Variants in CACNA1E observed in about 807,000 individuals in gnomAD.
The protein encoded by CACNA1E is voltage-dependent R-type calcium channel subunit alpha-1E.
In CACNA1E, 40 loss-of-function variants were observed where a neutral mutation model predicts 259.2. That is an observed-to-expected ratio of 0.15 (90% CI 0.12 to 0.20). The LOEUF is 0.20. Ranked by LOEUF, CACNA1E falls within the 10% of genes least tolerant of loss-of-function variation. The pLI, the probability that CACNA1E is intolerant of heterozygous loss-of-function variation, is 1.00. For synonymous variants in CACNA1E, 1,104 were observed against 1,138.5 expected (o/e 0.97, Z 0.61); for missense variants, 1,874 against 3,040.1 (o/e 0.62, Z 9.02).
In CACNA1E at chr1:181,804,559, G is replaced by C. The variant is rs1477343194; in HGVS notation, c.*5725G>C. On this transcript the variant is annotated 3_prime_UTR_variant, in exon 48 of 48. Transcript: ENST00000367573. ...ACAATAGTGTAGTAATCTGATAAAT[G>C]AAAACTATTGGAAGTCAATAGTTTT... 3.3e-5 allele frequency: 5 copies of C among 152,168 alleles called. No homozygotes were observed. The highest frequency in any genetic ancestry group is 1.2e-4 in the African/African-American group (5 of 41,448). 9.4% of individuals were successfully genotyped at this position (152,168 alleles called of 1,614,324 possible).
intron 2 of CACNA1E, among the ~76,000 whole-genome samples, chr1:181,466,736 C>T (rs1039369074): frequency 6.6e-6 from 1 of 152,120 alleles, no homozygotes; most frequent in Non-Finnish European, 1.5e-5. Context: ...CTTTCAAGTT[C>T]AGCAATATAT....
chr1:181,540,576 C>CT (rs777957246), intron 3 of CACNA1E, among the ~76,000 whole-genome samples: 8 of 152,150 alleles, frequency 5.3e-5, no homozygotes, highest in Non-Finnish European at 1.2e-4. Context: ...AGGAAAGACT[C>CT]TCTGGTCTTC....
rs1178193613 is a variant in CACNA1E at position 181,632,263 on chromosome 1, T to G, written c.952-19075T>G. On this transcript the variant is annotated intron_variant, in intron 6 of 47. Coordinates refer to ENST00000367573, the MANE Select transcript of CACNA1E (RefSeq NM_001205293.3). ...TGAGCAATGCTTGTGCCTTTCCTCT[T>G]TTCTTGTATCCGTACATTTCCAGAG... Among the ~76,000 whole-genome samples the G allele has an allele frequency of 5.9e-5, 9 of 152,130 alleles. 1 individual carries two copies. Among genetic ancestry groups the G allele is most frequent in the Non-Finnish European group, 1.3e-4 (9 of 68,026 alleles).
intron 1 of CACNA1E, among the ~76,000 whole-genome samples, chr1:181,406,604 G>T (rs983497520): frequency 6.6e-6 from 1 of 151,944 alleles, no homozygotes; most frequent in African/African-American, 2.4e-5. Context: ...CACCATCTTG[G>T]CCAGGCTGGT....
Position 181,405,682 on chromosome 1 carries a change from CACTT to C in CACNA1E, c.-14-7447_-14-7444del, listed in dbSNP as rs1657414782. Among the ~76,000 whole-genome samples, 3 of 152,318 alleles carry C rather than the reference CACTT, an allele frequency of 2.0e-5. No homozygotes were observed. The South Asian group carries it at 6.2e-4, about 32-fold the overall frequency. On this transcript the variant is annotated intron_variant, in intron 1 of 11. Transcript: ENST00000524607. ...TCCCCTCACTCCTTCCTTTTATAAG[CACTT>C]ACTGAATGCTTACAATTACTACATT...
intron 6 of CACNA1E, among the ~76,000 whole-genome samples, 156 bp downstream of exon 6, chr1:181,580,932 A>G (rs1262603249): frequency 6.6e-6 from 1 of 152,232 alleles, no homozygotes; most frequent in Non-Finnish European, 1.5e-5. Context: ...AAGCCTTAGC[A>G]GTTCATAACC....
intron 1 of CACNA1E, among the ~76,000 whole-genome samples, chr1:181,329,463 T>G (rs150191506): frequency 2.1e-4 from 32 of 152,272 alleles, no homozygotes; most frequent in Middle Eastern, 3.4e-3. Context: ...CACCACAGCT[T>G]CAATGCCTAC....
chr1:181,338,071 C>T (rs562501238), intron 1 of CACNA1E, among the ~76,000 whole-genome samples: 4 of 152,160 alleles, frequency 2.6e-5, no homozygotes, highest in South Asian at 4.2e-4. Context: ...TAAGGTTATA[C>T]CCCATTGTGG....
chr1:181,588,865 T>C (rs1211519206), intron 6 of CACNA1E, among the ~76,000 whole-genome samples: 2 of 152,228 alleles, frequency 1.3e-5, no homozygotes, highest in African/African-American at 4.8e-5. Context: ...GGTGCGTTGG[T>C]GACTCAATGG....
chr1:181,456,181 T>C (rs1661451845), intron 2 of CACNA1E, among the ~76,000 whole-genome samples: 1 of 152,032 alleles, frequency 6.6e-6, no homozygotes, highest in South Asian at 2.1e-4. Flanking sequence ...TTGCTGATGG[T>C]ACCAGTGAGT....
intron 2 of CACNA1E, among the ~76,000 whole-genome samples, chr1:181,421,088 G>C (rs1381320587): frequency 2.0e-5 from 3 of 152,314 alleles, no homozygotes; most frequent in African/African-American, 7.2e-5. Flanking sequence ...CAGTATCACA[G>C]AGCCAGTGAG....
intron 25 of CACNA1E, among the ~76,000 whole-genome samples, chr1:181,741,854 G>A (rs1289872387): frequency 1.3e-5 from 2 of 152,180 alleles, no homozygotes; most frequent in Non-Finnish European, 2.9e-5. Flanking sequence ...CAGTGCAGGG[G>A]CCCCCAGGAA....
intron 7 of CACNA1E, among the ~76,000 whole-genome samples, chr1:181,659,658 T>C (rs1647414526): frequency 6.6e-6 from 1 of 152,210 alleles, no homozygotes; most frequent in Admixed American, 6.5e-5. Flanking sequence ...TGCTTCCATA[T>C]ACGTGTGGGG....
chr1:181,630,384 G>GCCCC lies in CACNA1E; in HGVS notation c.952-20950_952-20947dup, dbSNP rs371364830. On this transcript the variant is annotated intron_variant, in intron 6 of 47. Coordinates refer to ENST00000367573, the MANE Select transcript of CACNA1E (RefSeq NM_001205293.3). ...TGGGACAAAGCAGTGTAATTAACATGCCCCCCCACCCCGCCTTAAAACCTA... is the reference window on the plus strand; with the variant it reads ...TGGGACAAAGCAGTGTAATTAACATGCCCCCCCCCCCACCCCGCCTTAAAACCTA... 3.0e-4 allele frequency among the ~76,000 whole-genome samples: 43 copies of GCCCC among 145,036 alleles called. 1 individual carries two copies. The highest frequency in any genetic ancestry group is 4.9e-4 in the Non-Finnish European group (32 of 65,578).
chr1:181,589,996 T>C (rs541192859), intron 6 of CACNA1E, among the ~76,000 whole-genome samples: 2 of 152,320 alleles, frequency 1.3e-5, no homozygotes, highest in East Asian at 3.9e-4. Flanking sequence ...GTACTAACTT[T>C]CCCTTAACCA....
chr1:181,344,297 G>A (rs1029821654), intron 1 of CACNA1E, among the ~76,000 whole-genome samples: 2 of 152,134 alleles, frequency 1.3e-5, no homozygotes, highest in South Asian at 2.1e-4. Flanking sequence ...TACATCAAAC[G>A]TACTTCCGTA....
Position 181,798,675 on chromosome 1 carries a change from C to T in CACNA1E, c.6783C>T (p.Gly2261=). ...TFEAAVATSL[G]RSNTIGSAPP... is the part of the protein sequence containing the mutation. ...AAGCAGCCGTGGCTACTAGCCTGGGCCGTTCCAACACCATCGGCTCAGCCC... is the reference window on the plus strand; with the variant it reads ...AAGCAGCCGTGGCTACTAGCCTGGGTCGTTCCAACACCATCGGCTCAGCCC... Residue 2261 remains glycine, a synonymous_variant, in exon 48 of 48, where the codon GGC becomes GGT. Coordinates refer to ENST00000367573, the MANE Select transcript of CACNA1E (RefSeq NM_001205293.3). This position sits in a 1 kb window ranked among gnomAD's most constrained non-coding sequence, Gnocchi z 4.2. 1 of 1,609,970 alleles carries T rather than the reference C, an allele frequency of 6.2e-7. No individual in the cohort carries two copies. Among genetic ancestry groups the T allele is most frequent in the Non-Finnish European group, 8.5e-7 (1 of 1,177,400 alleles).
chr1:181,378,855 A>T (rs1655274452), intron 1 of CACNA1E, among the ~76,000 whole-genome samples: 1 of 152,226 alleles, frequency 6.6e-6, no homozygotes, highest in African/African-American at 2.4e-5. Flanking sequence ...AAGACACAAA[A>T]GGACTGAAGT....
At chr1:181,637,414 C>T (rs553447056) in intron 6 of CACNA1E, among the ~76,000 whole-genome samples, 2 of 130,316 alleles carry the variant, frequency 1.5e-5, no homozygotes, top group East Asian at 5.2e-4. Context: ...CTTCCTCCCT[C>T]CCTCCCTCCT....
Sources: gnomAD v4.1 joint callset for allele counts (sites outside exome capture counted in the v4.1 genomes callset) on GRCh38, gnomAD v4.1.1 for gene constraint, Gnocchi (gnomAD v3.1) non-coding constraint, MANE v1.5 for transcripts, NCBI Gene and HGNC (gene_info 2026-07-23, HGNC 2026-07-21) for gene names.